BMP7: variants seen among roughly 807,000 people sequenced by gnomAD.
The protein encoded by BMP7 is osteogenic protein 1.
Under a neutral mutation model 41.2 loss-of-function variants are expected in BMP7, and 12 were observed. That is an observed-to-expected ratio of 0.29 (90% CI 0.19 to 0.47). The LOEUF is 0.47. BMP7 is among the 20% of genes least tolerant of loss of function. The pLI, the probability that BMP7 is intolerant of heterozygous loss-of-function variation, is 0.99. For synonymous variants in BMP7, 248 were observed against 250.0 expected (o/e 0.99, Z 0.07); for missense variants, 467 against 606.0 (o/e 0.77, Z 2.41).
intron 2 of BMP7, among the ~76,000 whole-genome samples, chr20:57,207,862 G>A (rs981329520): frequency 7.1e-5 from 9 of 127,568 alleles, no homozygotes; most frequent in South Asian, 2.5e-4. Context: ...TCGCTCTGTC[G>A]CCCAGGCTGG....
intron 3 of BMP7, among the ~76,000 whole-genome samples, chr20:57,193,889 G>C (rs981978161): frequency 6.6e-6 from 1 of 152,216 alleles, no homozygotes; most frequent in East Asian, 1.9e-4. Context: ...TGTCTGACCA[G>C]ACCTTTGCTC....
chr20:57,192,082 AT>A (rs1395986429), intron 3 of BMP7, among the ~76,000 whole-genome samples: 1 of 124,650 alleles, frequency 8.0e-6, no homozygotes, highest in African/African-American at 3.2e-5. Flanking sequence ...AAATTTATAT[AT>A]TTATTTATAT....
chr20:57,173,134 A>C, intron 6 of BMP7, 66 bp downstream of exon 6: 1 of 1,498,232 alleles, frequency 6.7e-7, no homozygotes, highest in Non-Finnish European at 9.3e-7. Context: ...TGGAGGCAGC[A>C]GGATCTGGTG....
rs1234211171 is a variant in BMP7 at position 57,219,163 on chromosome 20, CTGTTCGGTGGTAGCTGG to C, written c.611+9049_611+9065del. Among the ~76,000 whole-genome samples, 11 of 130,006 alleles carry C rather than the reference CTGTTCGGTGGTAGCTGG, an allele frequency of 8.5e-5. No individual in the cohort carries two copies. In the East Asian group the frequency reaches 1.7e-3, roughly 20 times the overall value. The allele number at this position is 130,006 out of a possible 152,430, so 85.3% of individuals were successfully genotyped here. ...GGTGGTAGCTGGTGTTCAGTGGTAG[CTGTTCGGTGGTAGCTGG>C]TGTTTGTTCAGTGGTAGCTGGTGTT... On this transcript the variant is annotated intron_variant, in intron 2 of 6. Transcript: ENST00000395863.
At position 57,215,137 on chromosome 20, in the gene BMP7, A is replaced by G. The variant is rs1348720330; in HGVS notation, c.612-12514T>C. Among the ~76,000 whole-genome samples, 1 of 152,186 alleles carries G rather than the reference A, an allele frequency of 6.6e-6. No homozygotes were observed. The highest frequency in any genetic ancestry group is 1.5e-5 in the Non-Finnish European group (1 of 68,026). The stretch of plus-strand genomic sequence containing the variant: ...CCAGGCCATGGGCACCCAGCTGCAC[A>G]TCCTAGTTGAAGGGAAACCCTCATC... On this transcript the variant is annotated intron_variant, in intron 2 of 6. Coordinates refer to ENST00000395863, the MANE Select transcript of BMP7 (RefSeq NM_001719.3). This position sits in a 1 kb window ranked among gnomAD's most constrained non-coding sequence, Gnocchi z 4.2.
chr20:57,195,794 G>A (rs1037536122), intron 3 of BMP7, among the ~76,000 whole-genome samples: 7 of 152,202 alleles, frequency 4.6e-5, no homozygotes, highest in African/African-American at 1.4e-4. Flanking sequence ...AGTAAGACAC[G>A]TGCTCTCGTG....
intron 1 of BMP7, among the ~76,000 whole-genome samples, chr20:57,253,902 C>T (rs2066123643): frequency 6.6e-6 from 1 of 152,030 alleles, no homozygotes; most frequent in Admixed American, 6.6e-5. Context: ...TGCTGTGTAA[C>T]TGTCAACTCG....
At chr20:57,253,298 G>A (rs1330623378) in intron 1 of BMP7, among the ~76,000 whole-genome samples, 1 of 152,180 alleles carries the variant, frequency 6.6e-6, no homozygotes, top group Non-Finnish European at 1.5e-5. Context: ...GTTAGGTCAA[G>A]TCAGTCAAAA....
chr20:57,200,650 AG>A (rs1984597516), intron 3 of BMP7, among the ~76,000 whole-genome samples: 1 of 152,224 alleles, frequency 6.6e-6, no homozygotes, highest in East Asian at 1.9e-4. Context: ...TAGAAAAATT[AG>A]CCGGTGTGGT....
chr20:57,226,607 G>A (rs142727955), intron 2 of BMP7, among the ~76,000 whole-genome samples: 4 of 152,194 alleles, frequency 2.6e-5, no homozygotes, highest in African/African-American at 9.7e-5. Flanking sequence ...GGCTGCCAAG[G>A]TTCATCATCC....
At chr20:57,260,617 A>C (rs2066150243) in intron 1 of BMP7, among the ~76,000 whole-genome samples, 1 of 152,262 alleles carries the variant, frequency 6.6e-6, no homozygotes, top group Non-Finnish European at 1.5e-5. Context: ...AGGGTTGTGC[A>C]ATTCAATATA....
At chr20:57,255,724 C>T (rs1191054209) in intron 1 of BMP7, among the ~76,000 whole-genome samples, 1 of 138,696 alleles carries the variant, frequency 7.2e-6, no homozygotes, top group African/African-American at 2.8e-5. Context: ...TGCTTGAAGC[C>T]CAGAGGTGGA....
chr20:57,201,302 TGTCCAAC>T (rs1984613650), intron 3 of BMP7, among the ~76,000 whole-genome samples: 4 of 152,338 alleles, frequency 2.6e-5, no homozygotes, highest in Admixed American at 2.6e-4. Flanking sequence ...TTAGGGAAAT[TGTCCAAC>T]GTCACACAGT....
At chr20:57,221,155 T>C (rs1035996512) in intron 2 of BMP7, among the ~76,000 whole-genome samples, 1 of 151,986 alleles carries the variant, frequency 6.6e-6, no homozygotes, top group Admixed American at 6.5e-5. Context: ...TCACTGTCTC[T>C]GCTGGGCCCC....
rs111473963 is a variant in BMP7, at chr20:57,228,992, C to A, written c.419-571G>T. On this transcript the variant is annotated intron_variant, in intron 1 of 6. Transcript: ENST00000395863. The surrounding 1 kb of genome is among the most constrained non-coding windows in gnomAD (Gnocchi z 4.5). ...CATCTCTAGGACCAGGGGTTCTCAG[C>A]CCTGAATGCACATGAAAATCACTGT... Among the ~76,000 whole-genome samples, 31 of 152,284 alleles carry A rather than the reference C, an allele frequency of 2.0e-4. No homozygotes were observed. Among genetic ancestry groups the A allele is most frequent in the African/African-American group, 7.2e-4 (30 of 41,562 alleles).
At chr20:57,180,595 C>A (rs1984058426) in intron 4 of BMP7, among the ~76,000 whole-genome samples, 1 of 152,158 alleles carries the variant, frequency 6.6e-6, no homozygotes, top group Non-Finnish European at 1.5e-5. Context: ...CCAAGGGCAG[C>A]CTTTGTGTGG....
At chr20:57,172,217 AG>A (rs1398669381) in intron 6 of BMP7, among the ~76,000 whole-genome samples, 5 of 152,328 alleles carry the variant, frequency 3.3e-5, no homozygotes, top group Non-Finnish European at 7.4e-5. Flanking sequence ...CATCCAGGCC[AG>A]GGAACAGGTT....
chr20:57,233,780 A>G (rs954756279), intron 1 of BMP7, among the ~76,000 whole-genome samples: 7 of 152,352 alleles, frequency 4.6e-5, no homozygotes, highest in Middle Eastern at 3.4e-3. Flanking sequence ...GTAGACTTGC[A>G]AAGGGCAGCT....
intron 2 of BMP7, among the ~76,000 whole-genome samples, chr20:57,218,432 C>T (rs186361064): frequency 6.6e-6 from 1 of 151,874 alleles, no homozygotes; most frequent in East Asian, 1.9e-4. Flanking sequence ...TTGGTGGTAG[C>T]TGGTGTTTGG....
Sources: allele counts gnomAD v4.1 joint callset (sites outside exome capture counted in the v4.1 genomes callset), GRCh38; gene constraint gnomAD v4.1.1; non-coding constraint Gnocchi (gnomAD v3.1); transcripts MANE v1.5; gene names NCBI Gene and HGNC (gene_info 2026-07-23, HGNC 2026-07-21).